The following GRIK3 variants were observed in gnomAD, a reference collection of about 807,000 sequenced individuals.
GRIK3 encodes the protein glutamate ionotropic receptor kainate type subunit 3.
In GRIK3, 29 loss-of-function variants were observed where a neutral mutation model predicts 102.5. That is an observed-to-expected ratio of 0.28 (90% CI 0.21 to 0.39). The LOEUF (loss-of-function observed/expected upper bound fraction) is 0.39, where lower values mean the gene tolerates loss of function less well. Among genes scored for constraint, GRIK3 ranks in the 10% least tolerant of loss-of-function variants. The pLI, the probability that GRIK3 is intolerant of heterozygous loss-of-function variation, is 1.00. For synonymous variants in GRIK3, 511 were observed against 504.9 expected (o/e 1.01, Z -0.16); for missense variants, 908 against 1,252.4 (o/e 0.73, Z 4.15).
At chr1:36,891,924 T>G (rs1423869278) in intron 1 of GRIK3, among the ~76,000 whole-genome samples, 1 of 152,216 alleles carries the variant, frequency 6.6e-6, no homozygotes, top group Non-Finnish European at 1.5e-5. Flanking sequence ...TAAAAAAACT[T>G]AATAGCAAAT....
intron 1 of GRIK3, among the ~76,000 whole-genome samples, chr1:36,978,623 A>G (rs1642218507): frequency 6.6e-6 from 1 of 152,186 alleles, no homozygotes; most frequent in Non-Finnish European, 1.5e-5. Flanking sequence ...TGCGGGGGTT[A>G]GCTGGTCTAG....
chr1:36,870,567 G>T (rs923958051), intron 4 of GRIK3, among the ~76,000 whole-genome samples: 1 of 152,210 alleles, frequency 6.6e-6, no homozygotes, highest in African/African-American at 2.4e-5. Context: ...CCTTTGAAGA[G>T]TCACAGCCCA....
chr1:37,022,530 C>T (rs1642725723), intron 1 of GRIK3, among the ~76,000 whole-genome samples: 1 of 152,188 alleles, frequency 6.6e-6, no homozygotes, highest in African/African-American at 2.4e-5. Flanking sequence ...GGGCTCACTC[C>T]CACAAATATT....
Position 36,958,485 on chromosome 1 carries a change from C to T in GRIK3, c.116-67389G>A, listed in dbSNP as rs575416047. On this transcript the variant is annotated intron_variant, in intron 1 of 15. Transcript: ENST00000373091. ...AGTCTGTGCCCCCTAAGTCTGTGTG[C>T]TCTGTGAGTCTGTGCTCCATGAGTC... Among the ~76,000 whole-genome samples the T allele has an allele frequency of 4.8e-5, 7 of 145,742 alleles. No individual in the cohort carries two copies. In the East Asian group the frequency reaches 1.5e-3, roughly 31 times the overall value.
chr1:36,994,920 A>T lies in GRIK3; in HGVS notation c.115+39074T>A, dbSNP rs1198038020. ...GGAATCACACCTTTCTCTCTGTGAC[A>T]GTTCTCCTTGTTCAACTTCATTCAG... is the stretch of plus-strand genomic sequence containing the variant. On this transcript the variant is annotated intron_variant, in intron 1 of 15. Coordinates refer to ENST00000373091, the MANE Select transcript of GRIK3 (RefSeq NM_000831.4). Among the ~76,000 whole-genome samples the T allele has an allele frequency of 2.0e-5, 3 of 152,210 alleles. No individual in the cohort carries two copies. The East Asian group carries it at 5.8e-4, about 29-fold the overall frequency.
chr1:36,985,592 C>T (rs925139895), intron 1 of GRIK3, among the ~76,000 whole-genome samples: 2 of 152,148 alleles, frequency 1.3e-5, no homozygotes, highest in South Asian at 2.1e-4. Context: ...CCCAAGGTGC[C>T]CTGGATGGGT....
intron 7 of GRIK3, 38 bp from the exon 8 acceptor site, chr1:36,853,760 C>T (rs746985296): frequency 9.0e-7 from 1 of 1,107,448 alleles, no homozygotes; most frequent in South Asian, 1.2e-5. Flanking sequence ...ATTCCTCGGG[C>T]TTATAAATCA....
chr1:36,815,155 G>A (rs888648343), intron 13 of GRIK3, among the ~76,000 whole-genome samples: 12 of 152,196 alleles, frequency 7.9e-5, no homozygotes, highest in African/African-American at 2.7e-4. Context: ...TGATAATGCC[G>A]TTGTCTTCCC....
At chr1:36,950,978 T>C (rs1014809997) in intron 1 of GRIK3, among the ~76,000 whole-genome samples, 2 of 152,100 alleles carry the variant, frequency 1.3e-5, no homozygotes, top group Non-Finnish European at 2.9e-5. Flanking sequence ...GGGCCCCAGG[T>C]TTTTCTAAAT....
At chr1:36,811,411 G>A (rs1642560772) in intron 13 of GRIK3, among the ~76,000 whole-genome samples, 2 of 152,156 alleles carry the variant, frequency 1.3e-5, no homozygotes, top group African/African-American at 4.8e-5. Context: ...TGCTGCAATT[G>A]ATGTTTTAAA....
At position 36,798,903 on chromosome 1, in the gene GRIK3, T is replaced by G. The variant is rs934552727; in HGVS notation, c.*2948A>C. 2.0e-5 allele frequency: 3 copies of G among 152,234 alleles called. No individual in the cohort carries two copies. The highest frequency in any genetic ancestry group is 4.4e-5 in the Non-Finnish European group (3 of 68,052). 9.4% of individuals were successfully genotyped at this position (152,234 alleles called of 1,614,324 possible). A position where few individuals can be genotyped will look rare whatever the true frequency, so the allele number is the denominator to read the frequency against. On this transcript the variant is annotated 3_prime_UTR_variant, in exon 16 of 16. Coordinates refer to ENST00000373091, the MANE Select transcript of GRIK3 (RefSeq NM_000831.4). ...ATTTATCCACTATTCTTTGTTCGTT[T>G]TATAAAAATTCTCACCACTTCTTCT...
At chr1:37,024,479 T>TATTATTATTA (rs57705077) in intron 1 of GRIK3, among the ~76,000 whole-genome samples, 2 of 149,202 alleles carry the variant, frequency 1.3e-5, no homozygotes, top group Admixed American at 6.7e-5. Flanking sequence ...TTATTATTAT[T>TATTATTATTA]TTGAGATATT....
At position 36,841,662 on chromosome 1, in the gene GRIK3, C is replaced by G; in HGVS notation, c.1530+74G>C. 4.6e-6 allele frequency: 6 copies of G among 1,294,070 alleles called. No homozygotes were observed. The South Asian group carries it at 7.1e-5, about 15-fold the overall frequency. The allele number at this position is 1,294,070 out of a possible 1,614,324, so 80.2% of individuals were successfully genotyped here. On this transcript the variant is annotated intron_variant, in intron 10 of 15. Coordinates refer to ENST00000373091, the MANE Select transcript of GRIK3 (RefSeq NM_000831.4). ...GGCCTTTTTCTGCCAGGCTGCCCAGCCCTGTGGTGCAGACAGTTCTAGGCC... is the reference window on the plus strand; with the variant it reads ...GGCCTTTTTCTGCCAGGCTGCCCAGGCCTGTGGTGCAGACAGTTCTAGGCC...
intron 11 of GRIK3, 80 bp downstream of exon 11, chr1:36,825,523 A>G: frequency 1.1e-6 from 1 of 885,676 alleles, no homozygotes. Context: ...TTTCTGTGCC[A>G]GGGGCTGAGG....
intron 1 of GRIK3, among the ~76,000 whole-genome samples, chr1:36,957,789 G>A (rs1166765957): frequency 2.8e-5 from 4 of 141,562 alleles, no homozygotes; most frequent in South Asian, 4.7e-4. Flanking sequence ...TCTGTGCCCC[G>A]TGACTCTGTG....
rs894155708 is a variant in GRIK3 at position 37,030,360 on chromosome 1, G to A, written c.115+3634C>T. On this transcript the variant is annotated intron_variant, in intron 1 of 15. Transcript: ENST00000373091. Reference sequence around the variant, plus strand: ...TAATTTGGGTGAACCAGTCATAGGAGTTACAGATGAGGCCGGTTTGGGAAC... The same window carrying A: ...TAATTTGGGTGAACCAGTCATAGGAATTACAGATGAGGCCGGTTTGGGAAC... Among the ~76,000 whole-genome samples, 7 of 152,316 alleles carry A rather than the reference G, an allele frequency of 4.6e-5. 1 individual carries two copies. The highest frequency in any genetic ancestry group is 1.7e-4 in the African/African-American group (7 of 41,568).
intron 1 of GRIK3, among the ~76,000 whole-genome samples, chr1:36,927,458 A>G (rs1641539579): frequency 6.6e-6 from 1 of 152,298 alleles, no homozygotes; most frequent in East Asian, 1.9e-4. Context: ...GATGTGATGA[A>G]TTTAGCACTA....
At chr1:36,805,314 C>G in intron 14 of GRIK3, 77 bp from the exon 15 acceptor site, 3 of 1,467,508 alleles carry the variant, frequency 2.0e-6, no homozygotes, top group Non-Finnish European at 2.8e-6. Flanking sequence ...ACACCCTGGT[C>G]AGGTCACCAC....
At chr1:36,884,103 G>T (rs563382001) in intron 2 of GRIK3, among the ~76,000 whole-genome samples, 5 of 152,162 alleles carry the variant, frequency 3.3e-5, no homozygotes, top group African/African-American at 4.8e-5. Context: ...GATTCATTGT[G>T]GCCAAGGCCA....
Sources: allele counts gnomAD v4.1 joint callset (sites outside exome capture counted in the v4.1 genomes callset), GRCh38; gene constraint gnomAD v4.1.1; transcripts MANE v1.5; gene names NCBI Gene and HGNC (gene_info 2026-07-23, HGNC 2026-07-21).